Variants in ANKRD49 observed in about 807,000 individuals in gnomAD.
ANKRD49 encodes ankyrin repeat domain-containing protein 49.
Under a neutral mutation model 19.6 loss-of-function variants are expected in ANKRD49, and 18 were observed. The observed-to-expected ratio is 0.92, with a 90% CI of 0.63 to 1.36. The LOEUF is 1.36. Among genes scored for constraint, ANKRD49 ranks in the 40% most tolerant of loss-of-function variants. The pLI is 0.00. For missense variants in ANKRD49, 218 were observed against 281.6 expected, an observed-to-expected ratio of 0.77 and a Z score of 1.62; for synonymous variants, 88 against 101.8, an observed-to-expected ratio of 0.86 and a Z score of 0.82.
At chr11:94,497,293 A>C (rs1947429425) in intron 2 of ANKRD49, 3 of 454,138 alleles carry the variant, frequency 6.6e-6, no homozygotes, top group Non-Finnish European at 1.2e-5. Context: ...TTTAATCATC[A>C]TGTATCCCTA....
At position 94,499,238 on chromosome 11, in the gene ANKRD49, G is replaced by A. The variant is rs1329331929; in HGVS notation, c.*706G>A. 5.2e-5 allele frequency: 8 copies of A among 152,784 alleles called. No individual in the cohort carries two copies. The highest frequency in any genetic ancestry group is 1.0e-4 in the Non-Finnish European group (7 of 68,214). 9.5% of individuals were successfully genotyped at this position (152,784 alleles called of 1,614,324 possible). A position where few individuals can be genotyped will look rare whatever the true frequency, so the allele number is the denominator to read the frequency against. ...GATCCTTAAGCTAATGGCGAATCAC[G>A]ATGACCTTGTAGACATGCACACAAC... is the stretch of plus-strand genomic sequence containing the variant. On this transcript the variant is annotated 3_prime_UTR_variant, in exon 3 of 3. Transcript: ENST00000544612.
intron 2 of ANKRD49, chr11:94,497,481 C>T (rs1343307050): frequency 6.8e-5 from 11 of 161,642 alleles, no homozygotes; most frequent in Non-Finnish European, 1.5e-4. Flanking sequence ...AAAAGGGTCT[C>T]GCATTTTAAA....
In ANKRD49 at chr11:94,496,867, A is replaced by C; in HGVS notation, c.174A>C (p.Lys58Asn). ...ATGAAGATGAGGAGCAAGATGACAA[A>C]AATGAAGAGTGGTATCGATTGCAAG... ...NSDEDEEQDD[K>N]NEEWYRLQEK... is the part of the protein sequence containing the mutation. The change falls in exon 2 of 3, where the codon AAA becomes AAC. Residue 58 changes from lysine to asparagine, a missense_variant. Transcript: ENST00000544612. 1 of 1,613,992 alleles carries C rather than the reference A, an allele frequency of 6.2e-7. No individual in the cohort carries two copies. Among genetic ancestry groups the C allele is most frequent in the Non-Finnish European group, 8.5e-7 (1 of 1,179,962 alleles).
chr11:94,496,718 G>T lies in ANKRD49; in HGVS notation c.25G>T (p.Asp9Tyr). 1 of 1,586,842 alleles carries T rather than the reference G, an allele frequency of 6.3e-7. No individual in the cohort carries two copies. Among genetic ancestry groups the T allele is most frequent in the Non-Finnish European group, 8.6e-7 (1 of 1,169,398 alleles). MEKEKGND[D>Y]GIPDQENSLD... is the part of the protein sequence containing the mutation. ...AATGGAAAAAGAAAAAGGAAATGAT[G>T]ATGGAATACCAGACCAAGAGAATTC... The change falls in exon 2 of 3, where the codon GAT (aspartate) becomes TAT (tyrosine). Residue 9 changes from aspartate to tyrosine, a missense_variant. Physicochemically the swap from Asp to Tyr is radical, Grantham distance 160. Coordinates refer to ENST00000544612, the MANE Select transcript of ANKRD49 (RefSeq NM_017704.3).
Position 94,498,769 on chromosome 11 carries a change from G to A in ANKRD49, c.*237G>A. On this transcript the variant is annotated 3_prime_UTR_variant, in exon 3 of 3. Coordinates refer to ENST00000544612, the MANE Select transcript of ANKRD49 (RefSeq NM_017704.3). ...TTTTTTTATCAGAAATAATTTTAATGTGTGTATACTTAAAAACTTGACACG... is the reference window on the plus strand; with the variant it reads ...TTTTTTTATCAGAAATAATTTTAATATGTGTATACTTAAAAACTTGACACG... The A allele has an allele frequency of 1.9e-6, 1 of 523,668 alleles. No individual in the cohort carries two copies. The highest frequency in any genetic ancestry group is 2.4e-5 in the South Asian group (1 of 41,644). 32.4% of individuals were successfully genotyped at this position (523,668 alleles called of 1,614,324 possible). A position where few individuals can be genotyped will look rare whatever the true frequency, so the allele number is the denominator to read the frequency against.
In ANKRD49 at chr11:94,496,611, T is replaced by C. The variant is rs113650158; in HGVS notation, c.-83T>C. 22 of 1,264,596 alleles carry C rather than the reference T, an allele frequency of 1.7e-5. No individual in the cohort carries two copies. In the African/African-American group the frequency reaches 2.4e-4, roughly 14 times the overall value. 78.3% of individuals were successfully genotyped at this position (1,264,596 alleles called of 1,614,324 possible). A position where few individuals can be genotyped will look rare whatever the true frequency, so the allele number is the denominator to read the frequency against. On this transcript the variant is annotated 5_prime_UTR_variant, in exon 2 of 3. The change abolishes an upstream ATG in the 5' untranslated region. Transcript: ENST00000544612. The stretch of plus-strand genomic sequence containing the variant: ...TTGTATTTGTGTTTTCAGATCTTGA[T>C]GAACAAAGCAGTCATAATTCATCTC...
intron 1 of ANKRD49, among the ~76,000 whole-genome samples, chr11:94,496,339 A>G (rs548657038): frequency 5.3e-5 from 8 of 152,340 alleles, no homozygotes; most frequent in African/African-American, 1.4e-4. Context: ...TAACACCATC[A>G]TACCTAAACC....
At chr11:94,497,590 AG>A (rs1368098060) in intron 2 of ANKRD49, 7 of 156,660 alleles carry the variant, frequency 4.5e-5, no homozygotes, top group African/African-American at 1.7e-4. Flanking sequence ...TGTATTGAGA[AG>A]GAATTGAGCT....
intron 1 of ANKRD49, among the ~76,000 whole-genome samples, chr11:94,494,531 T>C (rs1037295154): frequency 2.6e-5 from 4 of 152,176 alleles, no homozygotes; most frequent in Admixed American, 6.5e-5. Context: ...GAGTTGTTTG[T>C]AAGGAGTTGA....
In ANKRD49 at chr11:94,498,068, C is replaced by A; in HGVS notation, c.259-3C>A. The A allele has an allele frequency of 1.3e-6, 2 of 1,552,606 alleles. No individual in the cohort carries two copies. Among genetic ancestry groups the A allele is most frequent in the Non-Finnish European group, 8.7e-7 (1 of 1,150,834 alleles). On this transcript the variant is annotated splice_polypyrimidine_tract_variant and splice_region_variant and intron_variant, in intron 2 of 2. Transcript: ENST00000544612. Reference sequence around the variant, plus strand: ...TTGAAAGATTTCTTTTTTTTCTTCTCAGCTTACCACAGTGCGGAGACTCCT... The same window carrying A: ...TTGAAAGATTTCTTTTTTTTCTTCTAAGCTTACCACAGTGCGGAGACTCCT...
Position 94,499,051 on chromosome 11 carries a change from T to TA in ANKRD49, c.*525dup, listed in dbSNP as rs1294098737. 1 of 154,412 alleles carries TA rather than the reference T, an allele frequency of 6.5e-6. No homozygotes were observed. The highest frequency in any genetic ancestry group is 1.4e-5 in the Non-Finnish European group (1 of 69,542). The allele number at this position is 154,412 out of a possible 1,614,324, so 9.6% of individuals were successfully genotyped here. ...TGACTTGAATCTTCATAAGTTAAAG[T>TA]AAAAAACAGCAAAAAACCTAGATCT... is the stretch of plus-strand genomic sequence containing the variant. On this transcript the variant is annotated 3_prime_UTR_variant, in exon 3 of 3. Coordinates refer to ENST00000544612, the MANE Select transcript of ANKRD49 (RefSeq NM_017704.3).
chr11:94,498,170 C>T lies in ANKRD49; in HGVS notation c.358C>T (p.His120Tyr), dbSNP rs1377560836. The T allele has an allele frequency of 1.2e-6, 2 of 1,614,110 alleles. No individual in the cohort carries two copies. Among genetic ancestry groups the T allele is most frequent in the Non-Finnish European group, 1.7e-6 (2 of 1,180,028 alleles). ...TCTTCATCGAGCAGCCTACAGTGGACACTTAGATATTGTTCAGGAGCTCAT... is the reference window on the plus strand; with the variant it reads ...TCTTCATCGAGCAGCCTACAGTGGATACTTAGATATTGTTCAGGAGCTCAT... ...TPLHRAAYSG[H>Y]LDIVQELIAQ... The change falls in exon 3 of 3, where the codon CAC becomes TAC. Residue 120 changes from histidine (H) to tyrosine (Y), a missense_variant. His to Tyr is a moderately conservative substitution (Grantham distance 83). Coordinates refer to ENST00000544612, the MANE Select transcript of ANKRD49 (RefSeq NM_017704.3).
chr11:94,498,204 G>A lies in ANKRD49; in HGVS notation c.392G>A (p.Gly131Glu), dbSNP rs1479670740. ...ATTGTTCAGGAGCTCATTGCACAGGGGGCCGATGTTCATGCAGTGACTGTG... is the reference window on the plus strand; with the variant it reads ...ATTGTTCAGGAGCTCATTGCACAGGAGGCCGATGTTCATGCAGTGACTGTG... ...LDIVQELIAQ[G>E]ADVHAVTVDG... The change falls in exon 3 of 3, where the codon GGG becomes GAG. Residue 131 changes from glycine to glutamate, a missense_variant. Coordinates refer to ENST00000544612, the MANE Select transcript of ANKRD49 (RefSeq NM_017704.3). The A allele has an allele frequency of 6.2e-7, 1 of 1,614,134 alleles. No homozygotes were observed. The highest frequency in any genetic ancestry group is 8.5e-7 in the Non-Finnish European group (1 of 1,180,030).
At chr11:94,497,992 C>G in intron 2 of ANKRD49, 79 bp from the exon 3 acceptor site, 1 of 1,111,028 alleles carries the variant, frequency 9.0e-7, no homozygotes, top group Non-Finnish European at 1.3e-6. Context: ...TTAATTAAAT[C>G]TAACACCACA....
intron 1 of ANKRD49, among the ~76,000 whole-genome samples, chr11:94,494,377 A>G (rs36225294): frequency 1.1e-3 from 173 of 152,312 alleles, no homozygotes; most frequent in African/African-American, 3.8e-3. Flanking sequence ...AGTAAGATGT[A>G]TAGTGCAGCG....
intron 1 of ANKRD49, among the ~76,000 whole-genome samples, chr11:94,496,348 C>T (rs1243001815): frequency 1.3e-5 from 2 of 151,960 alleles, no homozygotes; most frequent in Admixed American, 1.3e-4. Flanking sequence ...CATACCTAAA[C>T]CAGTAGATTA....
chr11:94,494,665 C>T (rs1009972190), intron 1 of ANKRD49, among the ~76,000 whole-genome samples: 2 of 151,986 alleles, frequency 1.3e-5, no homozygotes. Context: ...AACTGTAAGT[C>T]GGGTAGATGC....
Position 94,498,875 on chromosome 11 carries a change from G to T in ANKRD49, c.*343G>T. ...TATCCCACATCCTGGATCTTTGTTG[G>T]GTATTTAGTATATTGACATATATTT... is the stretch of plus-strand genomic sequence containing the variant. On this transcript the variant is annotated 3_prime_UTR_variant, in exon 3 of 3. Transcript: ENST00000544612. The T allele has an allele frequency of 8.0e-6, 2 of 249,000 alleles. No individual in the cohort carries two copies. The highest frequency in any genetic ancestry group is 1.1e-4 in the East Asian group (1 of 8,946). The allele number at this position is 249,000 out of a possible 1,614,324, so 15.4% of individuals were successfully genotyped here. A position where few individuals can be genotyped will look rare whatever the true frequency, so the allele number is the denominator to read the frequency against.
rs1265875572 is a variant in ANKRD49 at position 94,499,367 on chromosome 11, G to A, written c.*835G>A. ...GCTTGTATAGTCTCTCAAGTTCACA[G>A]GAAATGTTGATTTTCTAAGGTCCTC... On this transcript the variant is annotated 3_prime_UTR_variant, in exon 3 of 3. Transcript: ENST00000544612. 2.6e-5 allele frequency: 4 copies of A among 152,324 alleles called. No homozygotes were observed. Among genetic ancestry groups the A allele is most frequent in the Non-Finnish European group, 5.9e-5 (4 of 68,024 alleles). The allele number at this position is 152,324 out of a possible 1,614,324, so 9.4% of individuals were successfully genotyped here. A position where few individuals can be genotyped will look rare whatever the true frequency, so the allele number is the denominator to read the frequency against.
Sources: gnomAD v4.1 joint callset for allele counts (sites outside exome capture counted in the v4.1 genomes callset) on GRCh38, gnomAD v4.1.1 for gene constraint, MANE v1.5 for transcripts, NCBI Gene and HGNC (gene_info 2026-07-23, HGNC 2026-07-21) for gene names.